Variants in ACSS1 observed in about 807,000 individuals in gnomAD.
ACSS1 encodes acetyl-coenzyme A synthetase 2-like, mitochondrial.
In ACSS1, 42 loss-of-function variants were observed where a neutral mutation model predicts 75.3. The observed-to-expected ratio is 0.56, with a 90% CI of 0.44 to 0.72. ACSS1 has a LOEUF of 0.72. ACSS1 is among the 30% of genes least tolerant of loss of function. ACSS1 has a pLI of 0.00. For missense variants in ACSS1, 782 were observed against 935.7 expected, an observed-to-expected ratio of 0.84 and a Z score of 2.14; for synonymous variants, 380 against 376.8, an observed-to-expected ratio of 1.01 and a Z score of -0.10.
intron 2 of ACSS1, among the ~76,000 whole-genome samples, chr20:25,031,825 C>T (rs1364685748): frequency 2.6e-5 from 4 of 152,206 alleles, no homozygotes; most frequent in Non-Finnish European, 5.9e-5. Context: ...AAATGTTTGC[C>T]TCCAAAAGAA....
At chr20:25,054,996 G>T (rs1399755048) in intron 1 of ACSS1, among the ~76,000 whole-genome samples, 2 of 152,100 alleles carry the variant, frequency 1.3e-5, no homozygotes, top group African/African-American at 4.8e-5. Context: ...TCCACTTTTT[G>T]TTCTCCATGT....
chr20:25,036,177 T>C (rs563808340), intron 2 of ACSS1, among the ~76,000 whole-genome samples: 22 of 152,346 alleles, frequency 1.4e-4, no homozygotes, highest in Non-Finnish European at 1.8e-4. Context: ...TTGTCTGCAG[T>C]GTACTCTGCC....
Position 25,026,502 on chromosome 20 carries a change from C to T in ACSS1, c.632-2861G>A, listed in dbSNP as rs1411535570. ...CCAAGTCAGCCATGTGAAGAGGCCA[C>T]GTGGAGAGAAAGACAGGCCCACCAG... On this transcript the variant is annotated intron_variant, in intron 3 of 13. Transcript: ENST00000323482. 3.3e-5 allele frequency among the ~76,000 whole-genome samples: 5 copies of T among 152,276 alleles called. No homozygotes were observed. In the East Asian group the frequency reaches 9.6e-4, roughly 29 times the overall value.
At chr20:25,008,780 A>G (rs115402451) in intron 13 of ACSS1, among the ~76,000 whole-genome samples, 2,271 of 152,288 alleles carry the variant, frequency 0.015, 65 homozygotes, top group African/African-American at 0.051. Context: ...CATGTCTCTA[A>G]TGAAAATCCC....
chr20:25,030,385 C>T (rs557849373), intron 3 of ACSS1, among the ~76,000 whole-genome samples: 1 of 152,214 alleles, frequency 6.6e-6, no homozygotes, highest in Non-Finnish European at 1.5e-5. Flanking sequence ...AGGATAGAAG[C>T]CTTCCAGTTG....
chr20:25,032,334 G>C, intron 2 of ACSS1: 7 of 1,311,390 alleles, frequency 5.3e-6, no homozygotes, highest in Non-Finnish European at 6.8e-6. Flanking sequence ...CTCAACTCCG[G>C]GAAAACTGGG....
chr20:25,013,588 G>A lies in ACSS1; in HGVS notation c.1527C>T (p.Thr509=), dbSNP rs749217855. 3.7e-6 allele frequency: 6 copies of A among 1,609,532 alleles called. No individual in the cohort carries two copies. The Admixed American group carries it at 8.3e-5, about 22-fold the overall frequency. Reference sequence around the variant, plus strand: ...CAAATCGCTGGTGGTCGCCATAGATGGTCCTGGCCATGCCCGGCCAGGCCT... The same window carrying A: ...CAAATCGCTGGTGGTCGCCATAGATAGTCCTGGCCATGCCCGGCCAGGCCT... The part of the protein sequence containing the change: ...ISQAWPGMAR[T]IYGDHQRFVD... Residue 509 remains threonine, a synonymous_variant, in exon 10 of 14, where the codon ACC becomes ACT. Coordinates refer to ENST00000323482, the MANE Select transcript of ACSS1 (RefSeq NM_032501.4).
intron 1 of ACSS1, among the ~76,000 whole-genome samples, chr20:25,052,188 T>C (rs2122767091): frequency 6.6e-6 from 1 of 151,336 alleles, no homozygotes; most frequent in East Asian, 1.9e-4. Context: ...TGAGGAAGGA[T>C]GGAAAGGAGG....
rs1353925564 is a variant in ACSS1, at chr20:25,006,431, T to C, written c.*1331A>G. 1 of 184,892 alleles carries C rather than the reference T, an allele frequency of 5.4e-6. No homozygotes were observed. Among genetic ancestry groups the C allele is most frequent in the Admixed American group, 5.4e-5 (1 of 18,408 alleles). The allele number at this position is 184,892 out of a possible 1,614,324, so 11.5% of individuals were successfully genotyped here. A position where few individuals can be genotyped will look rare whatever the true frequency, so the allele number is the denominator to read the frequency against. ...TGTAACAAAAGACCACCACTCAGTA[T>C]TTGTGTACCCTGCAGCCAACACCAC... On this transcript the variant is annotated 3_prime_UTR_variant, in exon 14 of 14. Coordinates refer to ENST00000323482, the MANE Select transcript of ACSS1 (RefSeq NM_032501.4).
intron 2 of ACSS1, among the ~76,000 whole-genome samples, chr20:25,037,209 C>A (rs563004798): frequency 6.6e-6 from 1 of 152,262 alleles, no homozygotes; most frequent in African/African-American, 2.4e-5. Flanking sequence ...CTCCTGGCAT[C>A]CACCTAGCTC....
chr20:25,015,527 C>T (rs947541240), intron 7 of ACSS1, among the ~76,000 whole-genome samples: 3 of 152,186 alleles, frequency 2.0e-5, no homozygotes, highest in African/African-American at 7.2e-5. Context: ...GAACTCCTGA[C>T]CTCAGGTGAT....
At position 25,032,650 on chromosome 20, in the gene ACSS1, G is replaced by A. The variant is rs74863497; in HGVS notation, c.432-1692C>T. ...AGACCCTCCTCGGGCTCTCAAGGCC[G>A]CTCGCAGCGTGTTTGCATAGCTCTC... On this transcript the variant is annotated intron_variant, in intron 2 of 13. Transcript: ENST00000323482. 1,669 of 1,221,166 alleles carry A rather than the reference G, an allele frequency of 1.4e-3. 20 individuals are homozygous for A. The African/African-American group carries it at 0.023, about 17-fold the overall frequency. 75.6% of individuals were successfully genotyped at this position (1,221,166 alleles called of 1,614,324 possible).
At chr20:25,032,720 A>T (rs2122694943) in intron 2 of ACSS1, 1 of 1,148,700 alleles carries the variant, frequency 8.7e-7, no homozygotes, top group East Asian at 4.2e-5. Flanking sequence ...GAGAACAGTG[A>T]AGCTCAACGA....
In ACSS1 at chr20:25,007,197, A is replaced by T. The variant is rs1008933366; in HGVS notation, c.*565T>A. ...CCAAATACACTAACAATAATTAAAAATGTGGCCTCTGATCCTCATGTTTCC... is the reference window on the plus strand; with the variant it reads ...CCAAATACACTAACAATAATTAAAATTGTGGCCTCTGATCCTCATGTTTCC... On this transcript the variant is annotated 3_prime_UTR_variant, in exon 14 of 14. Coordinates refer to ENST00000323482, the MANE Select transcript of ACSS1 (RefSeq NM_032501.4). The T allele has an allele frequency of 2.4e-6, 3 of 1,234,508 alleles. No homozygotes were observed. The African/African-American group carries it at 4.6e-5, about 19-fold the overall frequency. 76.5% of individuals were successfully genotyped at this position (1,234,508 alleles called of 1,614,324 possible).
chr20:25,018,456 G>A (rs1027324771), intron 7 of ACSS1, among the ~76,000 whole-genome samples: 1 of 152,212 alleles, frequency 6.6e-6, no homozygotes, highest in Non-Finnish European at 1.5e-5. Context: ...CTGAGAGGTG[G>A]AGGGGACAGT....
intron 8 of ACSS1, among the ~76,000 whole-genome samples, chr20:25,014,760 T>C (rs1461513399): frequency 3.9e-5 from 6 of 152,178 alleles, no homozygotes; most frequent in African/African-American, 1.4e-4. Flanking sequence ...GCCTGTCTCA[T>C]CAGATGTTCC....
At chr20:25,036,512 A>C (rs2088910603) in intron 2 of ACSS1, among the ~76,000 whole-genome samples, 2 of 151,982 alleles carry the variant, frequency 1.3e-5, no homozygotes, top group African/African-American at 4.8e-5. Flanking sequence ...AAAGAGAGGA[A>C]GAAATACACT....
chr20:25,021,958 C>T (rs770414910), intron 5 of ACSS1, among the ~76,000 whole-genome samples: 42 of 152,130 alleles, frequency 2.8e-4, no homozygotes, highest in Non-Finnish European at 5.6e-4. Context: ...GGACAACAGG[C>T]ACAACCCAGA....
chr20:25,029,818 C>T (rs761102626), intron 3 of ACSS1, among the ~76,000 whole-genome samples: 3 of 152,032 alleles, frequency 2.0e-5, no homozygotes, highest in Non-Finnish European at 4.4e-5. Flanking sequence ...AAGATGGTTA[C>T]AACAGTAATT....
Sources: allele counts gnomAD v4.1 joint callset (sites outside exome capture counted in the v4.1 genomes callset), GRCh38; gene constraint gnomAD v4.1.1; transcripts MANE v1.5; gene names NCBI Gene and HGNC (gene_info 2026-07-23, HGNC 2026-07-21).